Variants in PBRM1 observed in about 807,000 individuals in gnomAD.
The protein encoded by PBRM1 is polybromo 1, also known as protein polybromo-1.
A neutral mutation model predicts 194.5 loss-of-function variants in PBRM1; 27 were observed. The observed-to-expected ratio is 0.14, with a 90% CI of 0.10 to 0.19. PBRM1 has a LOEUF of 0.19. Among genes scored for constraint, PBRM1 ranks in the 10% least tolerant of loss-of-function variants. PBRM1 has a pLI of 1.00. For missense variants in PBRM1, 1,466 were observed against 2,077.2 expected (o/e 0.71, Z 5.72); for synonymous variants, 655 against 693.2 (o/e 0.94, Z 0.87).
chr3:52,643,944 T>C (rs7642198), intron 8 of PBRM1, among the ~76,000 whole-genome samples: 51,773 of 151,350 alleles, frequency 0.34, 9,863 homozygotes, highest in Admixed American at 0.46. Context: ...TGCAATCCAG[T>C]TTGGGCAACA....
At chr3:52,610,898 C>T (rs1255275420) in intron 15 of PBRM1, among the ~76,000 whole-genome samples, 1 of 152,086 alleles carries the variant, frequency 6.6e-6, no homozygotes, top group Non-Finnish European at 1.5e-5. Context: ...GAGATCAAGC[C>T]ATTACACTCT....
chr3:52,643,390 T>C (rs2096179914), intron 8 of PBRM1, 47 bp from the exon 10 acceptor site: 2 of 1,208,506 alleles, frequency 1.7e-6, no homozygotes, highest in Non-Finnish European at 1.2e-6. Context: ...TAGCTGAAAT[T>C]AGAGTGCTGG....
chr3:52,662,097 G>A (rs762238439), intron 4 of PBRM1, 36 bp downstream of exon 5: 1 of 1,607,508 alleles, frequency 6.2e-7, no homozygotes, highest in Non-Finnish European at 8.5e-7. Context: ...TGCCTTCCAA[G>A]AGCCCATCCA....
At chr3:52,557,611 TTTTC>T (rs1310769192) in intron 26 of PBRM1, among the ~76,000 whole-genome samples, 8 of 118,490 alleles carry the variant, frequency 6.8e-5, no homozygotes, top group African/African-American at 1.7e-4. Context: ...ACATTCATCA[TTTTC>T]TTTTTCTTTT....
intron 13 of PBRM1, among the ~76,000 whole-genome samples, chr3:52,620,211 T>C (rs2095210618): frequency 6.6e-6 from 1 of 152,150 alleles, no homozygotes; most frequent in Admixed American, 6.5e-5. Flanking sequence ...TGGGCACAGA[T>C]TAGAACACAG....
intron 4 of PBRM1, among the ~76,000 whole-genome samples, chr3:52,660,422 A>G (rs918779121): frequency 6.6e-6 from 1 of 152,040 alleles, no homozygotes; most frequent in Non-Finnish European, 1.5e-5. Flanking sequence ...ATATTTACAT[A>G]TCATATATAA....
At chr3:52,638,068 C>T (rs1019885954) in intron 10 of PBRM1, among the ~76,000 whole-genome samples, 2 of 152,126 alleles carry the variant, frequency 1.3e-5, no homozygotes, top group African/African-American at 4.8e-5. Flanking sequence ...ATCTGCTGAG[C>T]AAATCATATG....
At chr3:52,651,224 G>A (rs1277272989) in intron 6 of PBRM1, among the ~76,000 whole-genome samples, 2 of 152,188 alleles carry the variant, frequency 1.3e-5, no homozygotes, top group Non-Finnish European at 2.9e-5. Flanking sequence ...TTTACTGCCA[G>A]GGATACAGTG....
At chr3:52,552,083 C>A (rs2081112195) in intron 27 of PBRM1, 1 of 152,126 alleles carries the variant, frequency 6.6e-6, no homozygotes, top group East Asian at 1.9e-4. Context: ...ACCCGGATCA[C>A]CAAAGTAGGA....
chr3:52,636,647 C>G (rs899147856), intron 10 of PBRM1, among the ~76,000 whole-genome samples: 2 of 146,882 alleles, frequency 1.4e-5, no homozygotes, highest in African/African-American at 5.1e-5. Context: ...ATCCCAGCTA[C>G]TCGGGAGGCT....
chr3:52,660,449 C>T (rs1405686182), intron 4 of PBRM1, among the ~76,000 whole-genome samples: 1 of 151,718 alleles, frequency 6.6e-6, no homozygotes, highest in Non-Finnish European at 1.5e-5. Flanking sequence ...AAATTTTATA[C>T]ATATAAAATA....
intron 17 of PBRM1, among the ~76,000 whole-genome samples, chr3:52,598,102 T>C (rs1167863392): frequency 3.3e-5 from 5 of 152,252 alleles, no homozygotes; most frequent in Admixed American, 1.3e-4. Context: ...AACAACTTCA[T>C]ATATGATTCA....
chr3:52,593,915 G>A (rs376234045), intron 17 of PBRM1, among the ~76,000 whole-genome samples: 40 of 152,302 alleles, frequency 2.6e-4, no homozygotes, highest in East Asian at 2.5e-3. Flanking sequence ...ATCTTTGGGT[G>A]GAGAGTTCTC....
chr3:52,679,482 G>T (rs1227002055), intron 1 of PBRM1, 92 bp downstream of exon 2: 18 of 1,132,664 alleles, frequency 1.6e-5, no homozygotes, highest in Non-Finnish European at 2.3e-5. Flanking sequence ...AAAAAGTGGA[G>T]ATGCCTTGCA....
At chr3:52,566,803 T>A (rs1032682568) in intron 22 of PBRM1, among the ~76,000 whole-genome samples, 20 of 152,202 alleles carry the variant, frequency 1.3e-4, no homozygotes, top group African/African-American at 4.3e-4. Flanking sequence ...CGGTTAAGGC[T>A]GGGCGTGGTA....
intron 13 of PBRM1, among the ~76,000 whole-genome samples, chr3:52,622,666 T>G (rs2095320980): frequency 6.6e-6 from 1 of 152,162 alleles, no homozygotes; most frequent in Non-Finnish European, 1.5e-5. Flanking sequence ...CTGAAACACC[T>G]AAATCAGTCA....
chr3:52,608,908 T>C (rs1024574602), intron 16 of PBRM1, among the ~76,000 whole-genome samples: 3 of 151,750 alleles, frequency 2.0e-5, no homozygotes, highest in African/African-American at 7.3e-5. Context: ...TTTCTATCAG[T>C]CTAACCTCAG....
chr3:52,592,173 G>C (rs1469085744), intron 17 of PBRM1, among the ~76,000 whole-genome samples: 2 of 138,472 alleles, frequency 1.4e-5, no homozygotes, highest in African/African-American at 5.6e-5. Context: ...TCGCTCTGTC[G>C]CCCAGGCTGG....
At chr3:52,685,429 T>TCC (rs917749971) in intron 1 of PBRM1, 1 of 152,152 alleles carries the variant, frequency 6.6e-6, no homozygotes, top group Non-Finnish European at 1.5e-5. Context: ...TGAAGGACTT[T>TCC]CCCGACCTGT....
Sources: gnomAD v4.1 joint callset for allele counts (sites outside exome capture counted in the v4.1 genomes callset) on GRCh38, gnomAD v4.1.1 for gene constraint, MANE v1.5 for transcripts, NCBI Gene and HGNC (gene_info 2026-07-23, HGNC 2026-07-21) for gene names.